CSMD1: variants seen among roughly 807,000 people sequenced by gnomAD.
CSMD1 encodes CUB and sushi domain-containing protein 1.
In CSMD1, 213 loss-of-function variants were observed where a neutral mutation model predicts 417.5. That is an observed-to-expected ratio of 0.51 (90% CI 0.46 to 0.57). CSMD1 has a LOEUF of 0.57. Among genes scored for constraint, CSMD1 ranks in the 20% least tolerant of loss-of-function variants. The pLI is 0.00. For missense variants in CSMD1, 6,923 were observed against 4,529.7 expected, an observed-to-expected ratio of 1.53 and a Z score of -15.17; for synonymous variants, 2,862 against 1,736.8, an observed-to-expected ratio of 1.65 and a Z score of -16.11.
intron 2 of CSMD1, among the ~76,000 whole-genome samples, chr8:4,481,184 G>C (rs565672722): frequency 1.3e-5 from 2 of 152,282 alleles, no homozygotes; most frequent in African/African-American, 4.8e-5. Flanking sequence ...CCAGATTATA[G>C]TCAATTGTGC....
At position 4,486,860 on chromosome 8, in the gene CSMD1, G is replaced by T. The variant is rs188462327; in HGVS notation, c.303-66795C>A. Reference sequence around the variant, plus strand: ...GCTATTGTTATTAATTACACATCAAGCTCACAATGTTGCACCTAAGATAAA... The same window carrying T: ...GCTATTGTTATTAATTACACATCAATCTCACAATGTTGCACCTAAGATAAA... On this transcript the variant is annotated intron_variant, in intron 2 of 69. Transcript: ENST00000635120. 3.3e-5 allele frequency among the ~76,000 whole-genome samples: 5 copies of T among 152,082 alleles called. 1 individual carries two copies. Among genetic ancestry groups the T allele is most frequent in the African/African-American group, 7.2e-5 (3 of 41,414 alleles).
chr8:4,086,078 C>T (rs1233736423), intron 3 of CSMD1, among the ~76,000 whole-genome samples: 1 of 152,104 alleles, frequency 6.6e-6, no homozygotes, highest in Non-Finnish European at 1.5e-5. Context: ...CGTATTTTTT[C>T]CATATTTAAT....
chr8:3,612,928 C>G (rs562038261), intron 8 of CSMD1, among the ~76,000 whole-genome samples: 1 of 151,802 alleles, frequency 6.6e-6, no homozygotes, highest in Admixed American at 6.6e-5. Flanking sequence ...AATAAGAGGT[C>G]AGAGCAGAAA....
chr8:4,144,490 C>T (rs1352411865), intron 3 of CSMD1, among the ~76,000 whole-genome samples: 1 of 151,146 alleles, frequency 6.6e-6, no homozygotes, highest in Non-Finnish European at 1.5e-5. Flanking sequence ...TGGATATCCG[C>T]TTGAGGGCTC....
intron 3 of CSMD1, among the ~76,000 whole-genome samples, chr8:4,182,923 AG>A (rs1798458449): frequency 6.6e-6 from 1 of 152,180 alleles, no homozygotes; most frequent in South Asian, 2.1e-4. Context: ...GACGGTGGAT[AG>A]AATCTCAATT....
intron 2 of CSMD1, among the ~76,000 whole-genome samples, chr8:4,462,274 A>G (rs910776572): frequency 3.3e-5 from 5 of 152,316 alleles, no homozygotes; most frequent in East Asian, 1.9e-4. Flanking sequence ...CTCCAAAATA[A>G]TTAGGAATAA....
intron 12 of CSMD1, among the ~76,000 whole-genome samples, chr8:3,422,219 G>C (rs1813540024): frequency 6.6e-6 from 1 of 152,120 alleles, no homozygotes; most frequent in South Asian, 2.1e-4. Flanking sequence ...AGGGGCTGCT[G>C]TTTCCTCAAG....
chr8:4,215,134 C>G (rs1425317514), intron 3 of CSMD1, among the ~76,000 whole-genome samples: 1 of 152,112 alleles, frequency 6.6e-6, no homozygotes, highest in Non-Finnish European at 1.5e-5. Context: ...AGGGTGCCAA[C>G]CTAGGGAGAG....
At chr8:4,331,013 T>C (rs1484129985) in intron 3 of CSMD1, among the ~76,000 whole-genome samples, 2 of 152,182 alleles carry the variant, frequency 1.3e-5, no homozygotes, top group Non-Finnish European at 2.9e-5. Flanking sequence ...CGTAAGTTCT[T>C]AGTGCATTAT....
intron 7 of CSMD1, among the ~76,000 whole-genome samples, chr8:3,617,504 G>C: frequency 6.6e-6 from 1 of 152,056 alleles, no homozygotes; most frequent in Non-Finnish European, 1.5e-5. Context: ...TTAGCAGAGG[G>C]CTTGGGACCC....
chr8:4,989,128 C>T (rs530241445), intron 1 of CSMD1, among the ~76,000 whole-genome samples: 1 of 152,276 alleles, frequency 6.6e-6, no homozygotes, highest in Admixed American at 6.5e-5. Context: ...CTGGAATGGA[C>T]AACTAGTTTG....
chr8:3,513,834 T>C (rs572601301), intron 10 of CSMD1, among the ~76,000 whole-genome samples: 5 of 152,280 alleles, frequency 3.3e-5, no homozygotes, highest in African/African-American at 9.6e-5. Context: ...GAAAACTGCA[T>C]TGCAGATTTG....
chr8:3,739,104 A>G (rs1191633673), intron 6 of CSMD1, among the ~76,000 whole-genome samples: 4 of 152,020 alleles, frequency 2.6e-5, no homozygotes, highest in South Asian at 2.1e-4. Context: ...GATTTATTCT[A>G]TAAGTTTACA....
intron 5 of CSMD1, among the ~76,000 whole-genome samples, chr8:3,941,148 A>C (rs1355065472): frequency 1.3e-5 from 2 of 152,122 alleles, no homozygotes; most frequent in Non-Finnish European, 2.9e-5. Context: ...AGAAGAAATA[A>C]AAGCACATTT....
chr8:4,458,852 C>A (rs79541945), intron 2 of CSMD1, among the ~76,000 whole-genome samples: 2 of 152,194 alleles, frequency 1.3e-5, no homozygotes, highest in East Asian at 3.9e-4. Context: ...CTGAGGCAAG[C>A]GTAGCACTGA....
chr8:4,165,889 C>T (rs577076627), intron 3 of CSMD1, among the ~76,000 whole-genome samples: 3 of 152,200 alleles, frequency 2.0e-5, no homozygotes, highest in Non-Finnish European at 4.4e-5. Context: ...ACCAACCAAC[C>T]TGTGCCTAGC....
At chr8:3,799,330 C>G (rs143389785) in intron 5 of CSMD1, among the ~76,000 whole-genome samples, 3,880 of 150,996 alleles carry the variant, frequency 0.026, 65 homozygotes, top group African/African-American at 0.048. Flanking sequence ...ATGTGCCATG[C>G]TGGTGTGCTG....
chr8:4,732,049 C>T (rs758110346), intron 1 of CSMD1, among the ~76,000 whole-genome samples: 1 of 152,160 alleles, frequency 6.6e-6, no homozygotes, highest in South Asian at 2.1e-4. Context: ...CCCCCATGCC[C>T]GTAGCTTTAC....
intron 10 of CSMD1, among the ~76,000 whole-genome samples, chr8:3,536,107 T>C (rs954444706): frequency 1.3e-5 from 2 of 152,218 alleles, no homozygotes; most frequent in Admixed American, 6.5e-5. Flanking sequence ...AATATTATCA[T>C]TGTTTTTATG....
Sources: gnomAD v4.1 joint callset for allele counts (sites outside exome capture counted in the v4.1 genomes callset) on GRCh38, gnomAD v4.1.1 for gene constraint, MANE v1.5 for transcripts, NCBI Gene and HGNC (gene_info 2026-07-23, HGNC 2026-07-21) for gene names.